PRKCQ: variants seen among roughly 807,000 people sequenced by gnomAD.
The protein encoded by PRKCQ is protein kinase C theta type.
In PRKCQ, 41 loss-of-function variants were observed where a neutral mutation model predicts 91.2. The observed-to-expected ratio is 0.45, with a 90% CI of 0.35 to 0.58. PRKCQ has a LOEUF of 0.58. PRKCQ is among the 20% of genes least tolerant of loss of function. The pLI, the probability that PRKCQ is intolerant of heterozygous loss-of-function variation, is 0.00. For missense variants in PRKCQ, 673 were observed against 896.5 expected, an observed-to-expected ratio of 0.75 and a Z score of 3.18; for synonymous variants, 307 against 316.9, an observed-to-expected ratio of 0.97 and a Z score of 0.33.
At chr10:6,543,574 C>A (rs2130920432) in intron 1 of PRKCQ, among the ~76,000 whole-genome samples, 1 of 152,268 alleles carries the variant, frequency 6.6e-6, no homozygotes, top group Non-Finnish European at 1.5e-5. Context: ...AGACGCTAAC[C>A]ACTACTTTGT....
At chr10:6,502,535 T>C (rs1389205982) in intron 4 of PRKCQ, among the ~76,000 whole-genome samples, 1 of 152,186 alleles carries the variant, frequency 6.6e-6, no homozygotes, top group East Asian at 1.9e-4. Flanking sequence ...CAGATCAGTT[T>C]GAACACTTTC....
intron 1 of PRKCQ, among the ~76,000 whole-genome samples, chr10:6,531,046 T>G (rs1839372756): frequency 3.7e-5 from 1 of 26,942 alleles, no homozygotes; most frequent in Admixed American, 5.7e-4. Context: ...GTCAGCAGGG[T>G]GGAGCCCACA....
chr10:6,472,524 T>G (rs1221910486), intron 12 of PRKCQ, among the ~76,000 whole-genome samples: 1 of 152,214 alleles, frequency 6.6e-6, no homozygotes, highest in East Asian at 1.9e-4. Context: ...AAATAACATT[T>G]AAAAGGTGTT....
intron 1 of PRKCQ, among the ~76,000 whole-genome samples, chr10:6,578,145 AGAAG>A (rs1456745762): frequency 6.6e-6 from 1 of 152,224 alleles, no homozygotes; most frequent in Non-Finnish European, 1.5e-5. Context: ...TTGAGATTAC[AGAAG>A]GAGCTGAGGT....
chr10:6,555,329 C>T lies in PRKCQ; in HGVS notation c.-10+24882G>A, dbSNP rs113044936. 2.0e-3 allele frequency among the ~76,000 whole-genome samples: 311 copies of T among 151,910 alleles called. 2 individuals are homozygous for T. The highest frequency in any genetic ancestry group is 4.2e-3 in the Admixed American group (64 of 15,248). On this transcript the variant is annotated intron_variant, in intron 1 of 17. Transcript: ENST00000263125. ...CTCGAGAAGGATCTGTTCATGTCAC[C>T]CATAATAGACATTAACACAGACTGG...
intron 11 of PRKCQ, among the ~76,000 whole-genome samples, chr10:6,481,732 A>C (rs1387539340): frequency 6.6e-6 from 1 of 152,206 alleles, no homozygotes; most frequent in Non-Finnish European, 1.5e-5. Context: ...TCTGGTGAGC[A>C]GTTGTGGTGT....
rs185452130 is a variant in PRKCQ, at chr10:6,548,652, A to T, written c.-10+31559T>A. ...GCAAGAACAAAAAACCAAACACTGC[A>T]TGTTCTCACTCATAGGTGGGAATTG... is the stretch of plus-strand genomic sequence containing the variant. On this transcript the variant is annotated intron_variant, in intron 1 of 17. Transcript: ENST00000263125. Among the ~76,000 whole-genome samples the T allele has an allele frequency of 1.3e-3, 195 of 145,898 alleles. 7 individuals carry two copies. In the Admixed American group the frequency reaches 0.014, roughly 10 times the overall value.
At chr10:6,548,052 C>T (rs978665666) in intron 1 of PRKCQ, among the ~76,000 whole-genome samples, 9 of 152,054 alleles carry the variant, frequency 5.9e-5, no homozygotes, top group Admixed American at 5.2e-4. Flanking sequence ...AACAAACAAC[C>T]CCATCAAAAA....
chr10:6,492,090 C>G (rs142643042), intron 7 of PRKCQ, among the ~76,000 whole-genome samples: 57 of 152,300 alleles, frequency 3.7e-4, no homozygotes, highest in African/African-American at 1.3e-3. Flanking sequence ...AGGCTAAAAG[C>G]TCAGGAAGAC....
intron 8 of PRKCQ, chr10:6,489,263 T>C (rs74997496): frequency 0.044 from 19,347 of 444,606 alleles, 643 homozygotes; most frequent in African/African-American, 0.12. Flanking sequence ...TCAGCTAGGA[T>C]TGAACATAGA....
At chr10:6,570,550 CTTCTTTTT>C (rs1841003581) in intron 1 of PRKCQ, among the ~76,000 whole-genome samples, 1 of 141,548 alleles carries the variant, frequency 7.1e-6, no homozygotes, top group Non-Finnish European at 1.6e-5. Context: ...AACTAAGGGG[CTTCTTTTT>C]TTTTTTTTTT....
At chr10:6,547,577 A>T (rs9663213) in intron 1 of PRKCQ, among the ~76,000 whole-genome samples, 1 of 147,366 alleles carries the variant, frequency 6.8e-6, no homozygotes, top group Non-Finnish European at 1.5e-5. Flanking sequence ...AAATAAGGCC[A>T]CATATCTACA....
chr10:6,395,142 C>G, the PRKCQ span, among the ~76,000 whole-genome samples: 1 of 146,730 alleles, frequency 6.8e-6, no homozygotes, highest in Admixed American at 7.0e-5. Flanking sequence ...CGGCTCACTG[C>G]AAGCTCCGCC....
intron 1 of PRKCQ, among the ~76,000 whole-genome samples, chr10:6,543,693 C>T (rs1490153546): frequency 1.3e-5 from 2 of 152,216 alleles, no homozygotes; most frequent in Admixed American, 1.3e-4. Context: ...GCCCACGGTT[C>T]TGTTTTCCAG....
chr10:6,478,451 C>A (rs763272986), intron 12 of PRKCQ, among the ~76,000 whole-genome samples: 1 of 152,122 alleles, frequency 6.6e-6, no homozygotes, highest in Non-Finnish European at 1.5e-5. Flanking sequence ...CCTCCCAGAA[C>A]GGCACAGCCT....
intron 1 of PRKCQ, among the ~76,000 whole-genome samples, chr10:6,528,352 T>G (rs1482410069): frequency 6.6e-6 from 1 of 152,148 alleles, no homozygotes; most frequent in Non-Finnish European, 1.5e-5. Context: ...TCTGCTGATC[T>G]GCAGAACCAT....
intron 15 of PRKCQ, among the ~76,000 whole-genome samples, chr10:6,451,878 C>T (rs548196119): frequency 6.6e-6 from 1 of 152,144 alleles, no homozygotes; most frequent in Non-Finnish European, 1.5e-5. Context: ...ATTCAACAAC[C>T]CTTCATGCTA....
intron 4 of PRKCQ, among the ~76,000 whole-genome samples, chr10:6,501,172 A>G (rs1471241719): frequency 6.6e-6 from 1 of 152,188 alleles, no homozygotes; most frequent in Non-Finnish European, 1.5e-5. Context: ...CCAGAGTCTT[A>G]GGGTCTAAGA....
chr10:6,549,598 T>C (rs1418665626), intron 1 of PRKCQ, among the ~76,000 whole-genome samples: 1 of 150,708 alleles, frequency 6.6e-6, no homozygotes. Context: ...CTTATCATGG[T>C]AAAAAGCACA....
Sources: allele counts gnomAD v4.1 joint callset (sites outside exome capture counted in the v4.1 genomes callset), GRCh38; gene constraint gnomAD v4.1.1; transcripts MANE v1.5; gene names NCBI Gene and HGNC (gene_info 2026-07-23, HGNC 2026-07-21).